Variants in COMTD1 observed in about 807,000 individuals in gnomAD.
COMTD1 encodes the protein catechol O-methyltransferase domain-containing protein 1.
Under a neutral mutation model 33.6 loss-of-function variants are expected in COMTD1, and 35 were observed. The ratio of observed to expected loss-of-function variants is 1.04; its 90% CI spans 0.80 to 1.38. The LOEUF (loss-of-function observed/expected upper bound fraction) is 1.38. Among genes scored for constraint, COMTD1 ranks in the 40% most tolerant of loss-of-function variants. The probability of loss-of-function intolerance (pLI) is 0.00; values close to 1 mark genes in which losing one functional copy is unlikely to be tolerated. For synonymous variants in COMTD1, 160 were observed against 176.8 expected, an observed-to-expected ratio of 0.91 and a Z score of 0.75; for missense variants, 370 against 363.4, an observed-to-expected ratio of 1.02 and a Z score of -0.15.
chr10:75,235,508 G>A (rs1032195334), intron 2 of COMTD1, 108 bp downstream of exon 2: 6 of 1,396,050 alleles, frequency 4.3e-6, no homozygotes, highest in Non-Finnish European at 5.6e-6. Context: ...CCCGGCCCAG[G>A]GAAGCCGGAA....
intron 6 of COMTD1, 37 bp downstream of exon 6, chr10:75,234,573 C>G: frequency 2.0e-6 from 3 of 1,531,118 alleles, no homozygotes; most frequent in Non-Finnish European, 2.6e-6. Flanking sequence ...CCCGGCCCGA[C>G]AGGGTGCTTT....
In COMTD1 at chr10:75,233,854, A is replaced by G; in HGVS notation, c.*219T>C. 1 of 1,265,660 alleles carries G rather than the reference A, an allele frequency of 7.9e-7. No individual in the cohort carries two copies. The allele number at this position is 1,265,660 out of a possible 1,614,324, so 78.4% of individuals were successfully genotyped here. A position where few individuals can be genotyped will look rare whatever the true frequency, so the allele number is the denominator to read the frequency against. On this transcript the variant is annotated 3_prime_UTR_variant, in exon 7 of 7. Transcript: ENST00000372538. ...CTGGAGGTTCCTGCAGTTGGGCCACAGACCTGGCGCCAGGGAGGGGACGAA... is the reference window on the plus strand; with the variant it reads ...CTGGAGGTTCCTGCAGTTGGGCCACGGACCTGGCGCCAGGGAGGGGACGAA...
At chr10:75,235,796 C>CGGGGGGGG in intron 1 of COMTD1, 39 bp downstream of exon 1, 1 of 1,539,880 alleles carries the variant, frequency 6.5e-7, no homozygotes, top group Non-Finnish European at 8.7e-7. Context: ...CCCTACTCTG[C>CGGGGGGGG]GCCCGCCCAC....
chr10:75,234,970 T>A lies in COMTD1; in HGVS notation c.470A>T (p.Asp157Val). Residue 157 changes from aspartate to valine, a missense_variant, in exon 5 of 7, where the codon GAC becomes GTC. Transcript: ENST00000372538. ...CTCCAAGGCGGGCTTCAGCCGGAGG[T>A]CGATCTTGTGCTCCGCCTCGGCCTG... ...WRQAEAEHKIDLRLKPALETL... is the reference protein window; with the variant it reads ...WRQAEAEHKIVLRLKPALETL... The A allele has an allele frequency of 1.3e-6, 2 of 1,525,914 alleles. No individual in the cohort carries two copies. The highest frequency in any genetic ancestry group is 1.8e-6 in the Non-Finnish European group (2 of 1,139,176). 94.5% of individuals were successfully genotyped at this position (1,525,914 alleles called of 1,614,324 possible).
At chr10:75,235,797 G>GGGGGCCCCCCCCCCCCCCCCCCCCCCCC in intron 1 of COMTD1, 38 bp downstream of exon 1, 1 of 1,538,666 alleles carries the variant, frequency 6.5e-7, no homozygotes, top group Non-Finnish European at 8.8e-7. Flanking sequence ...CCTACTCTGC[G>GGGGGCCCCCCCCCCCCCCCCCCCCCCCC]CCCGCCCACC....
At chr10:75,234,387 C>A in intron 6 of COMTD1, 162 bp from the exon 7 acceptor site, 1 of 931,418 alleles carries the variant, frequency 1.1e-6, no homozygotes, top group Non-Finnish European at 1.5e-6. Context: ...GGTGTCTGGG[C>A]GGGAGGCGGG....
In COMTD1 at chr10:75,234,099, C is replaced by T. The variant is rs747968695; in HGVS notation, c.763G>A (p.Gly255Arg). The T allele has an allele frequency of 6.2e-7, 1 of 1,614,028 alleles. No homozygotes were observed. Residue 255 changes from glycine (G) to arginine (R), a missense_variant, in exon 7 of 7, where the codon GGA (glycine) becomes AGA (arginine). By Grantham distance (125) the Gly-to-Arg change is moderately radical. Coordinates refer to ENST00000372538, the MANE Select transcript of COMTD1 (RefSeq NM_144589.4). ...VYISLLPLGD[G>R]LTLAFKI ...TAGATCTTGAAGGCCAAGGTGAGTC[C>T]ATCGCCCAGGGGCAGGAGGCTGATG...
At position 75,235,605 on chromosome 10, in the gene COMTD1, G is replaced by T; in HGVS notation, c.222+11C>A. 1 of 1,577,440 alleles carries T rather than the reference G, an allele frequency of 6.3e-7. No homozygotes were observed. The highest frequency in any genetic ancestry group is 8.6e-7 in the Non-Finnish European group (1 of 1,164,462). On this transcript the variant is annotated intron_variant, in intron 2 of 6. Transcript: ENST00000372538. ...AGAGGGACGCCCGTTTCCGTCCCGCGCCCTGCTGACCAGCCTCAGGCTTCG... is the reference window on the plus strand; with the variant it reads ...AGAGGGACGCCCGTTTCCGTCCCGCTCCCTGCTGACCAGCCTCAGGCTTCG...
chr10:75,235,729 G>A lies in COMTD1; in HGVS notation c.109C>T (p.Pro37Ser). Reference protein sequence around the residue: ...TGLFLGRRCPPWRGRREQCLL... With the variant: ...TGLFLGRRCPSWRGRREQCLL... ...CACTGCTCTCGCCGGCCTCGCCATGGGGGGCACCGCCTCCCTGACGGGGAG... is the reference window on the plus strand; with the variant it reads ...CACTGCTCTCGCCGGCCTCGCCATGAGGGGCACCGCCTCCCTGACGGGGAG... Residue 37 changes from proline (P) to serine (S), a missense_variant, in exon 2 of 7, where the codon CCA becomes TCA. Pro to Ser is a moderately conservative substitution (Grantham distance 74). Transcript: ENST00000372538. The A allele has an allele frequency of 1.2e-6, 2 of 1,602,010 alleles. No homozygotes were observed. Among genetic ancestry groups the A allele is most frequent in the Non-Finnish European group, 1.7e-6 (2 of 1,175,754 alleles).
rs770182020 is a variant in COMTD1 at position 75,235,277 on chromosome 10, C to G, written c.318G>C (p.Ala106=). ...GCCGCGTGCCCCTACCCAGGTCCAG[C>G]GCCTTCTTGGCCTGGATGAGCCGCG... ...NLARLIQAKK[A]LDLGTFTGYS... Residue 106 remains alanine, a synonymous_variant, in exon 3 of 7, where the codon GCG becomes GCC. Transcript: ENST00000372538. The G allele has an allele frequency of 1.9e-6, 3 of 1,569,982 alleles. No individual in the cohort carries two copies. In the East Asian group the frequency reaches 7.0e-5, roughly 37 times the overall value.
intron 5 of COMTD1, 67 bp from the exon 6 acceptor site, chr10:75,234,810 G>T: frequency 6.5e-7 from 1 of 1,529,356 alleles, no homozygotes; most frequent in Non-Finnish European, 8.8e-7. Context: ...GCCCCTCCCA[G>T]GCCGGCCCGG....
intron 2 of COMTD1, 30 bp downstream of exon 2, chr10:75,235,586 A>G (rs1413294608): frequency 6.4e-7 from 1 of 1,559,816 alleles, no homozygotes; most frequent in African/African-American, 1.4e-5. Flanking sequence ...GTCGAGAGGG[A>G]CGCCCGTTTC....
rs1842155374 is a variant in COMTD1 at position 75,234,357 on chromosome 10, A to G, written c.637-132T>C. 3.7e-6 allele frequency: 4 copies of G among 1,067,250 alleles called. No individual in the cohort carries two copies. The Admixed American group carries it at 1.2e-4, about 31-fold the overall frequency. The allele number at this position is 1,067,250 out of a possible 1,614,324, so 66.1% of individuals were successfully genotyped here. A position where few individuals can be genotyped will look rare whatever the true frequency, so the allele number is the denominator to read the frequency against. On this transcript the variant is annotated intron_variant, in intron 6 of 6. Coordinates refer to ENST00000372538, the MANE Select transcript of COMTD1 (RefSeq NM_144589.4). Reference sequence around the variant, plus strand: ...GTCTTGGAGGGAGGTGCCCAGACGGAAGGCGGGGTCTCGGAGGGAGGTGTC... The same window carrying G: ...GTCTTGGAGGGAGGTGCCCAGACGGGAGGCGGGGTCTCGGAGGGAGGTGTC...
Position 75,235,278 on chromosome 10 carries a change from G to T in COMTD1, c.317C>A (p.Ala106Glu). The change falls in exon 3 of 7, where the codon GCG becomes GAG. Residue 106 changes from alanine to glutamate, a missense_variant. Physicochemically the swap from Ala to Glu is moderately radical, Grantham distance 107. Transcript: ENST00000372538. ...NLARLIQAKK[A>E]LDLGTFTGYS... ...CCGCGTGCCCCTACCCAGGTCCAGC[G>T]CCTTCTTGGCCTGGATGAGCCGCGC... 1.3e-6 allele frequency: 2 copies of T among 1,571,692 alleles called. No individual in the cohort carries two copies. Among genetic ancestry groups the T allele is most frequent in the South Asian group, 1.2e-5 (1 of 85,670 alleles).
At position 75,235,955 on chromosome 10, in the gene COMTD1, A is replaced by G; in HGVS notation, c.-27T>C. The G allele has an allele frequency of 7.0e-7, 1 of 1,424,620 alleles. No homozygotes were observed. Among genetic ancestry groups the G allele is most frequent in the Admixed American group, 2.9e-5 (1 of 34,268 alleles). 88.2% of individuals were successfully genotyped at this position (1,424,620 alleles called of 1,614,324 possible). A position where few individuals can be genotyped will look rare whatever the true frequency, so the allele number is the denominator to read the frequency against. Reference sequence around the variant, plus strand: ...GCGCGGGCAGGAGGCGGCGGGAGGCAGTGACAGGTCACGTGAGCTGGAGCT... The same window carrying G: ...GCGCGGGCAGGAGGCGGCGGGAGGCGGTGACAGGTCACGTGAGCTGGAGCT... On this transcript the variant is annotated 5_prime_UTR_variant, in exon 1 of 7. Coordinates refer to ENST00000372538, the MANE Select transcript of COMTD1 (RefSeq NM_144589.4).
Position 75,234,192 on chromosome 10 carries a change from T to C in COMTD1, c.670A>G (p.Lys224Glu), listed in dbSNP as rs773165701. 1.2e-6 allele frequency: 2 copies of C among 1,613,288 alleles called. No individual in the cohort carries two copies. Among genetic ancestry groups the C allele is most frequent in the East Asian group, 2.2e-5 (1 of 44,858 alleles). Residue 224 changes from lysine (K) to glutamate (E), a missense_variant, in exon 7 of 7, where the codon AAA (lysine) becomes GAA (glutamate). Lys to Glu is a moderately conservative substitution (Grantham distance 56, BLOSUM62 1). Coordinates refer to ENST00000372538, the MANE Select transcript of COMTD1 (RefSeq NM_144589.4). ...LWRGKVLQPP[K>E]GDVAAECVRN... ...ACACACTCGGCCGCCACGTCCCCTT[T>C]CGGAGGTTGCAGCACCTTCCCGCGC... is the stretch of plus-strand genomic sequence containing the variant.
Position 75,235,370 on chromosome 10 carries a change from C to G in COMTD1, c.225G>C (p.Leu75=). The change falls in exon 3 of 7, where the codon CTG becomes CTC. Residue 75 remains leucine (L), a splice_region_variant and synonymous_variant. Transcript: ENST00000372538. ...AATCCCCCTGCGGCTGCTCCAGGGT[C>G]AGCTGCGTGAAAGGAGAGGGTGGCA... ...EHPALRSLRL[L]TLEQPQGDSM... is the part of the protein sequence containing the mutation. 1 of 1,562,114 alleles carries G rather than the reference C, an allele frequency of 6.4e-7. No homozygotes were observed. Among genetic ancestry groups the G allele is most frequent in the East Asian group, 2.4e-5 (1 of 42,300 alleles).
chr10:75,234,229 C>G lies in COMTD1; in HGVS notation c.637-4G>C. 1 of 1,603,774 alleles carries G rather than the reference C, an allele frequency of 6.2e-7. No homozygotes were observed. Reference sequence around the variant, plus strand: ...GCACCTTCCCGCGCCACAGGACCTGCGGGAGGGCGGGGCCAACCGGGCCGT... The same window carrying G: ...GCACCTTCCCGCGCCACAGGACCTGGGGGAGGGCGGGGCCAACCGGGCCGT... On this transcript the variant is annotated splice_polypyrimidine_tract_variant and splice_region_variant and intron_variant, in intron 6 of 6. Transcript: ENST00000372538.
chr10:75,235,737 C>A lies in COMTD1; in HGVS notation c.101G>T (p.Arg34Leu), dbSNP rs748093164. Residue 34 changes from arginine (R) to leucine (L), a missense_variant, in exon 2 of 7, where the codon CGG becomes CTG. Arg to Leu is a moderately radical substitution (Grantham distance 102). Transcript: ENST00000372538. ...TCGCCGGCCTCGCCATGGGGGGCAC[C>A]GCCTCCCTGACGGGGAGAGGGTGTT... ...AFATGLFLGR[R>L]CPPWRGRREQ... is the part of the protein sequence containing the mutation. 1 of 1,601,262 alleles carries A rather than the reference C, an allele frequency of 6.2e-7. No individual in the cohort carries two copies. Among genetic ancestry groups the A allele is most frequent in the South Asian group, 1.1e-5 (1 of 89,198 alleles).
Sources: allele counts gnomAD v4.1 joint callset, GRCh38; gene constraint gnomAD v4.1.1; transcripts MANE v1.5; gene names NCBI Gene and HGNC (gene_info 2026-07-23, HGNC 2026-07-21).